Variants in ANKRD12 observed in about 807,000 individuals in gnomAD.
The protein encoded by ANKRD12 is ankyrin repeat domain 12.
Under a neutral mutation model 183.4 loss-of-function variants are expected in ANKRD12, and 85 were observed. The ratio of observed to expected loss-of-function variants is 0.46; its 90% CI spans 0.39 to 0.56. The LOEUF is 0.56. Ranked by LOEUF, ANKRD12 falls within the 20% of genes least tolerant of loss-of-function variation. The probability of loss-of-function intolerance (pLI) is 0.00; values close to 1 mark genes in which losing one functional copy is unlikely to be tolerated. For missense variants in ANKRD12, 2,405 were observed against 2,357.1 expected (o/e 1.02, Z -0.42); for synonymous variants, 914 against 800.2 (o/e 1.14, Z -2.40).
Position 9,258,048 on chromosome 18 carries a change from G to GTGA in ANKRD12, c.4784_4786dup (p.Asp1595dup), listed in dbSNP as rs1162555451. On this transcript the variant is annotated inframe_insertion, in exon 9 of 13. Coordinates refer to ENST00000262126, the MANE Select transcript of ANKRD12 (RefSeq NM_015208.5). ...CCATCAGAAAAGGACTTTAATGGAAGTGATGCCTCTACCCAGCTAAATACA... is the reference window on the plus strand; with the variant it reads ...CCATCAGAAAAGGACTTTAATGGAAGTGATGATGCCTCTACCCAGCTAAATACA... 6.2e-7 allele frequency: 1 copy of GTGA among 1,613,496 alleles called. No individual in the cohort carries two copies. Among genetic ancestry groups the GTGA allele is most frequent in the Admixed American group, 1.7e-5 (1 of 59,994 alleles).
intron 1 of ANKRD12, among the ~76,000 whole-genome samples, chr18:9,146,555 C>T (rs751857726): frequency 1.1e-4 from 16 of 152,180 alleles, no homozygotes; most frequent in Non-Finnish European, 2.1e-4. Context: ...ACCAAATACA[C>T]GCTTATTCTT....
rs763436099 is a variant in ANKRD12 at position 9,256,392 on chromosome 18, T to C, written c.3125T>C (p.Leu1042Ser). The change falls in exon 9 of 13, where the codon TTA becomes TCA. Residue 1042 changes from leucine to serine, a missense_variant. This residue lies in a region of ANKRD12 where 1,983 missense variants were observed against 1,725.9 expected (regional missense o/e 1.15). Transcript: ENST00000262126. ...AAAGATAAAATTCAAATAAATAGCT[T>C]ACTCAAACTAAAATCTGAAGCAGAT... ...KHKDKIQINSLLKLKSEADKP... is the reference protein window; with the variant it reads ...KHKDKIQINSSLKLKSEADKP... 2 of 1,609,410 alleles carry C rather than the reference T, an allele frequency of 1.2e-6. No homozygotes were observed. The highest frequency in any genetic ancestry group is 1.7e-6 in the Non-Finnish European group (2 of 1,178,608).
chr18:9,207,112 G>A (rs927396547), intron 4 of ANKRD12, among the ~76,000 whole-genome samples: 1 of 151,940 alleles, frequency 6.6e-6, no homozygotes, highest in Admixed American at 6.6e-5. Context: ...ACTTGTAGTT[G>A]CTTATTAAAT....
At position 9,137,481 on chromosome 18, in the gene ANKRD12, C is replaced by CGCGGGG. The variant is rs1475747695; in HGVS notation, c.-52+526_-52+531dup. 4 of 146,074 alleles carry CGCGGGG rather than the reference C, an allele frequency of 2.7e-5. No homozygotes were observed. The East Asian group carries it at 5.9e-4, about 22-fold the overall frequency. The allele number at this position is 146,074 out of a possible 1,614,324, so 9.0% of individuals were successfully genotyped here. Reference sequence around the variant, plus strand: ...GCCGCTGGCGTGCGGCGGTCGGACCCGCGGGGGCGGGGGCGCGCCCGGCCC... The same window carrying CGCGGGG: ...GCCGCTGGCGTGCGGCGGTCGGACCCGCGGGGGCGGGGGCGGGGGCGCGCCCGGCCC... On this transcript the variant is annotated intron_variant, in intron 1 of 12. Coordinates refer to ENST00000262126, the MANE Select transcript of ANKRD12 (RefSeq NM_015208.5).
chr18:9,144,644 C>T (rs2078432653), intron 1 of ANKRD12, among the ~76,000 whole-genome samples: 1 of 152,112 alleles, frequency 6.6e-6, no homozygotes, highest in South Asian at 2.1e-4. Flanking sequence ...TATAGGTTCT[C>T]CACATATACT....
intron 8 of ANKRD12, chr18:9,249,766 T>A (rs930291604): frequency 6.6e-6 from 1 of 152,226 alleles, no homozygotes; most frequent in Non-Finnish European, 1.5e-5. Context: ...ATTCCTGAAC[T>A]GCTCCTCTCC....
chr18:9,183,077 A>G (rs1429283123), intron 2 of ANKRD12, among the ~76,000 whole-genome samples: 1 of 152,194 alleles, frequency 6.6e-6, no homozygotes. Flanking sequence ...GTTTTAGAAC[A>G]TTGCCATCAT....
chr18:9,270,815 T>TA (rs1429004254), intron 10 of ANKRD12, among the ~76,000 whole-genome samples: 4 of 152,272 alleles, frequency 2.6e-5, no homozygotes, highest in South Asian at 2.1e-4. Flanking sequence ...AGAACTTTAA[T>TA]AAAAAAATGA....
intron 8 of ANKRD12, among the ~76,000 whole-genome samples, chr18:9,231,357 G>A (rs746058326): frequency 3.8e-4 from 57 of 151,952 alleles, no homozygotes; most frequent in Non-Finnish European, 7.5e-4. Flanking sequence ...GAAGTCCCCC[G>A]TTACTATTGT....
chr18:9,283,675 T>C lies in ANKRD12; in HGVS notation c.*2549T>C, dbSNP rs1208855240. On this transcript the variant is annotated 3_prime_UTR_variant, in exon 13 of 13. Coordinates refer to ENST00000262126, the MANE Select transcript of ANKRD12 (RefSeq NM_015208.5). ...ACTAAATTGTACCTAAGGATTTGTA[T>C]TTCTTTACAATTTGTTCTAAATATC... 1 of 152,666 alleles carries C rather than the reference T, an allele frequency of 6.6e-6. No homozygotes were observed. The highest frequency in any genetic ancestry group is 1.9e-4 in the East Asian group (1 of 5,204). The allele number at this position is 152,666 out of a possible 1,614,324, so 9.5% of individuals were successfully genotyped here. A position where few individuals can be genotyped will look rare whatever the true frequency, so the allele number is the denominator to read the frequency against.
chr18:9,180,260 G>A (rs915522282), intron 1 of ANKRD12, among the ~76,000 whole-genome samples: 3 of 152,112 alleles, frequency 2.0e-5, no homozygotes, highest in African/African-American at 7.2e-5. Context: ...TGTTAATATA[G>A]CCACTCAAGC....
chr18:9,204,855 G>A (rs954775515), intron 4 of ANKRD12, among the ~76,000 whole-genome samples: 8 of 152,206 alleles, frequency 5.3e-5, no homozygotes, highest in African/African-American at 1.9e-4. Flanking sequence ...GTGGTGCATA[G>A]TGTAGTGACT....
intron 1 of ANKRD12, among the ~76,000 whole-genome samples, chr18:9,151,509 C>G (rs1405228220): frequency 6.6e-6 from 1 of 152,140 alleles, no homozygotes; most frequent in Non-Finnish European, 1.5e-5. Flanking sequence ...TGATGAAGGT[C>G]AACCAAAAAG....
intron 2 of ANKRD12, among the ~76,000 whole-genome samples, chr18:9,188,283 G>T (rs1243468466): frequency 1.3e-5 from 2 of 152,182 alleles, no homozygotes; most frequent in Non-Finnish European, 2.9e-5. Context: ...CTTTTATGAT[G>T]GGCAGTAAGT....
chr18:9,200,566 T>C (rs568256156), intron 3 of ANKRD12: 1 of 152,336 alleles, frequency 6.6e-6, no homozygotes, highest in African/African-American at 2.4e-5. Flanking sequence ...TGGCAGTGTT[T>C]ACTGTTGAAG....
At chr18:9,271,717 A>G (rs2039613628) in intron 10 of ANKRD12, among the ~76,000 whole-genome samples, 1 of 152,216 alleles carries the variant, frequency 6.6e-6, no homozygotes, top group South Asian at 2.1e-4. Context: ...CATCTGTAAT[A>G]TATTAATAAT....
chr18:9,275,108 T>G (rs1004126669), intron 10 of ANKRD12, among the ~76,000 whole-genome samples: 1 of 152,154 alleles, frequency 6.6e-6, no homozygotes, highest in African/African-American at 2.4e-5. Context: ...GAAAGATTGC[T>G]TGAGTCCAGG....
At chr18:9,174,848 C>T (rs920899823) in intron 1 of ANKRD12, among the ~76,000 whole-genome samples, 2 of 101,230 alleles carry the variant, frequency 2.0e-5, no homozygotes, top group Non-Finnish European at 4.8e-5. Context: ...GGAATAATCC[C>T]AGTGCTTTGT....
chr18:9,206,794 A>G (rs2035513215), intron 4 of ANKRD12, among the ~76,000 whole-genome samples: 1 of 152,036 alleles, frequency 6.6e-6, no homozygotes, highest in Admixed American at 6.6e-5. Flanking sequence ...TTGCCTGAGT[A>G]TGTATTACTT....
Sources: allele counts gnomAD v4.1 joint callset (sites outside exome capture counted in the v4.1 genomes callset), GRCh38; gene constraint gnomAD v4.1.1; regional missense constraint gnomAD v4.1.1; transcripts MANE v1.5; gene names NCBI Gene and HGNC (gene_info 2026-07-23, HGNC 2026-07-21).